ZNF678: variants seen among roughly 807,000 people sequenced by gnomAD.
ZNF678 encodes hypothetical protein MGC42493.
In ZNF678, 5 loss-of-function variants were observed where a neutral mutation model predicts 3.0. The ratio of observed to expected loss-of-function variants is 1.69; its 90% CI spans 0.88 to 3.56. The LOEUF is 3.56. Among genes scored for constraint, ZNF678 ranks in the 30% most tolerant of loss-of-function variants. The pLI, the probability that ZNF678 is intolerant of heterozygous loss-of-function variation, is 0.00. For missense variants in ZNF678, 593 were observed against 605.0 expected, an observed-to-expected ratio of 0.98 and a Z score of 0.21; for synonymous variants, 218 against 199.6, an observed-to-expected ratio of 1.09 and a Z score of -0.78.
chr1:227,620,383 G>T (rs1658251364), intron 1 of ZNF678, among the ~76,000 whole-genome samples: 1 of 152,136 alleles, frequency 6.6e-6, no homozygotes, highest in Non-Finnish European at 1.5e-5. Context: ...GTGTGTGTGT[G>T]TGTTGCCTTC....
chr1:227,673,502 T>A (rs1355621270), intron 5 of ZNF678, among the ~76,000 whole-genome samples: 1 of 152,220 alleles, frequency 6.6e-6, no homozygotes, highest in Non-Finnish European at 1.5e-5. Context: ...ACATCTTTAG[T>A]CACCTTCTTC....
Position 227,654,335 on chromosome 1 carries a change from G to A in ZNF678, c.86-1G>A, listed in dbSNP as rs754463109. 2 of 1,501,392 alleles carry A rather than the reference G, an allele frequency of 1.3e-6. No homozygotes were observed. The highest frequency in any genetic ancestry group is 2.3e-5 in the East Asian group (1 of 42,998). 93.0% of individuals were successfully genotyped at this position (1,501,392 alleles called of 1,614,324 possible). A position where few individuals can be genotyped will look rare whatever the true frequency, so the allele number is the denominator to read the frequency against. On this transcript the variant is annotated splice_acceptor_variant, in intron 3 of 3. Transcript: ENST00000343776. LOFTEE classifies it high-confidence loss of function. ...TAACTTTTTATTTTTATTTCTTTCA[G>A]CTATTTTATCTTATTCCATTCAAGA...
rs1328657008 is a variant in ZNF678 at position 227,590,541 on chromosome 1, A to G, written c.-164+26817A>G. ...CCAAGCGGCAGGCCCATAGTATTGT[A>G]TAATTTTTTCAGGAGGCCGTTTATC... On this transcript the variant is annotated intron_variant, in intron 1 of 3. Coordinates refer to ENST00000343776, the MANE Select transcript of ZNF678 (RefSeq NM_001367909.1). Among the ~76,000 whole-genome samples the G allele has an allele frequency of 2.6e-5, 4 of 151,806 alleles. No individual in the cohort carries two copies. The East Asian group carries it at 5.8e-4, about 22-fold the overall frequency.
chr1:227,650,003 A>T (rs376616277), intron 2 of ZNF678, among the ~76,000 whole-genome samples: 3 of 151,920 alleles, frequency 2.0e-5, no homozygotes, highest in East Asian at 3.9e-4. Context: ...TGCTGTGCAG[A>T]TGCTTTTTAG....
intron 1 of ZNF678, among the ~76,000 whole-genome samples, chr1:227,643,402 G>GT (rs1553270834): frequency 6.6e-6 from 1 of 152,148 alleles, no homozygotes; most frequent in Non-Finnish European, 1.5e-5. Context: ...TAGGAAAGAC[G>GT]TAACTGAAAA....
In ZNF678 at chr1:227,654,317, T is replaced by C. The variant is rs1320596290; in HGVS notation, c.86-19T>C. On this transcript the variant is annotated intron_variant, in intron 3 of 3. Transcript: ENST00000343776. The stretch of plus-strand genomic sequence containing the variant: ...GGAGATTAGTAAGAAGAATAACTTT[T>C]TATTTTTATTTCTTTCAGCTATTTT... The C allele has an allele frequency of 6.7e-7, 1 of 1,489,130 alleles. No individual in the cohort carries two copies. 92.2% of individuals were successfully genotyped at this position (1,489,130 alleles called of 1,614,324 possible).
intron 1 of ZNF678, among the ~76,000 whole-genome samples, chr1:227,590,259 G>A (rs188442682): frequency 4.0e-5 from 6 of 151,728 alleles, no homozygotes; most frequent in African/African-American, 2.4e-5. Flanking sequence ...CTGTATCTTC[G>A]ACTACTTGCC....
intron 1 of ZNF678, among the ~76,000 whole-genome samples, chr1:227,573,432 A>G (rs1656905840): frequency 6.6e-6 from 1 of 152,252 alleles, no homozygotes; most frequent in Non-Finnish European, 1.5e-5. Context: ...TAATTTATTC[A>G]TGATATGATT....
At chr1:227,679,350 A>G (rs1252378807), downstream of ZNF678, among the ~76,000 whole-genome samples, 1 of 152,184 alleles carries the variant, frequency 6.6e-6, no homozygotes, top group Non-Finnish European at 1.5e-5. Context: ...CCACAGGCAG[A>G]CAGCCCAGCG....
intron 1 of ZNF678, among the ~76,000 whole-genome samples, chr1:227,628,260 C>T (rs572120800): frequency 2.6e-5 from 4 of 152,304 alleles, no homozygotes; most frequent in South Asian, 2.1e-4. Context: ...GCTGGTCCCT[C>T]GGACCTGTGT....
At chr1:227,598,493 C>T in intron 1 of ZNF678, 1 of 1,374,162 alleles carries the variant, frequency 7.3e-7, no homozygotes, top group Non-Finnish European at 9.4e-7. Flanking sequence ...GCTTCTTTTT[C>T]TTTTTTTGTT....
intron 1 of ZNF678, among the ~76,000 whole-genome samples, chr1:227,579,619 T>C (rs905616001): frequency 6.6e-6 from 1 of 152,062 alleles, no homozygotes; most frequent in African/African-American, 2.4e-5. Context: ...GGCTTGTGCA[T>C]GGTCATAGGG....
intron 1 of ZNF678, among the ~76,000 whole-genome samples, chr1:227,594,237 G>A (rs1657502864): frequency 6.6e-6 from 1 of 152,014 alleles, no homozygotes; most frequent in Admixed American, 6.5e-5. Flanking sequence ...ATTTAACAAT[G>A]CTTTTTGTAT....
At chr1:227,571,814 AGGT>A (rs1656850600) in intron 1 of ZNF678, among the ~76,000 whole-genome samples, 1 of 152,302 alleles carries the variant, frequency 6.6e-6, no homozygotes, top group East Asian at 1.9e-4. Context: ...AGGCCGAGGC[AGGT>A]GGATCACAAG....
intron 1 of ZNF678, among the ~76,000 whole-genome samples, chr1:227,593,860 C>G (rs899522212): frequency 0.01 from 699 of 68,098 alleles, 5 homozygotes; most frequent in Non-Finnish European, 0.011. Context: ...GTCCATCCCC[C>G]CCCCCCCTTT....
intron 1 of ZNF678, among the ~76,000 whole-genome samples, chr1:227,574,885 C>T (rs1330649241): frequency 6.6e-6 from 1 of 152,162 alleles, no homozygotes; most frequent in Non-Finnish European, 1.5e-5. Context: ...AACGGCTAGC[C>T]AGTTATCCCA....
chr1:227,631,903 C>T (rs1658556216), intron 1 of ZNF678, among the ~76,000 whole-genome samples: 1 of 152,192 alleles, frequency 6.6e-6, no homozygotes, highest in Non-Finnish European at 1.5e-5. Context: ...TGCTCATTGC[C>T]CCCATTTGCC....
At chr1:227,632,330 G>A (rs1171883110) in intron 1 of ZNF678, among the ~76,000 whole-genome samples, 7 of 152,218 alleles carry the variant, frequency 4.6e-5, no homozygotes, top group Admixed American at 6.5e-5. Context: ...GGCAGGGGTC[G>A]GAGGAAGTAG....
At chr1:227,587,438 A>G (rs990114144) in intron 1 of ZNF678, among the ~76,000 whole-genome samples, 3 of 152,136 alleles carry the variant, frequency 2.0e-5, no homozygotes, top group Non-Finnish European at 4.4e-5. Flanking sequence ...GTACTTTCAG[A>G]GTCTTTAGAC....
Sources: allele counts gnomAD v4.1 joint callset (sites outside exome capture counted in the v4.1 genomes callset), GRCh38; gene constraint gnomAD v4.1.1; transcripts MANE v1.5; gene names NCBI Gene and HGNC (gene_info 2026-07-23, HGNC 2026-07-21).